Variants in PDE3A observed in about 807,000 individuals in gnomAD.
PDE3A encodes the protein cGMP-inhibited 3',5'-cyclic phosphodiesterase 3A.
PDE3A carries 43 observed loss-of-function variants against 98.3 expected under a neutral mutation model. The ratio of observed to expected loss-of-function variants is 0.44; its 90% CI spans 0.34 to 0.56. The LOEUF (loss-of-function observed/expected upper bound fraction) is 0.56. Ranked by LOEUF, PDE3A falls within the 20% of genes least tolerant of loss-of-function variation. PDE3A has a pLI of 0.01. For missense variants in PDE3A, 1,427 were observed against 1,440.7 expected (o/e 0.99, Z 0.15); for synonymous variants, 663 against 567.9 (o/e 1.17, Z -2.38).
At chr12:20,556,552 A>G in intron 1 of PDE3A, 108 bp from the exon 2 acceptor site, 1 of 731,622 alleles carries the variant, frequency 1.4e-6, no homozygotes, top group East Asian at 2.7e-5. Flanking sequence ...GCTATTTAAT[A>G]TATTACTAAT....
At chr12:20,547,814 T>A (rs973666902) in intron 1 of PDE3A, among the ~76,000 whole-genome samples, 1 of 152,074 alleles carries the variant, frequency 6.6e-6, no homozygotes, top group Non-Finnish European at 1.5e-5. Context: ...GAAAAACATA[T>A]AAACATGAAA....
intron 5 of PDE3A, 145 bp from the exon 6 acceptor site, chr12:20,629,763 G>A (rs1025962043): frequency 3.1e-6 from 2 of 637,562 alleles, no homozygotes; most frequent in Non-Finnish European, 5.7e-6. Flanking sequence ...GGCTTCAGAT[G>A]TTGGTATGTG....
chr12:20,383,761 G>C (rs983205270), intron 1 of PDE3A, among the ~76,000 whole-genome samples: 7 of 151,962 alleles, frequency 4.6e-5, no homozygotes, highest in African/African-American at 1.7e-4. Flanking sequence ...ATGGAAAAAG[G>C]TGAGGAGGAG....
chr12:20,629,330 C>G (rs1285446872), intron 5 of PDE3A, among the ~76,000 whole-genome samples: 1 of 152,116 alleles, frequency 6.6e-6, no homozygotes, highest in Non-Finnish European at 1.5e-5. Flanking sequence ...ATGTTTTCTT[C>G]AAAAATTATT....
intron 1 of PDE3A, among the ~76,000 whole-genome samples, chr12:20,382,910 A>G (rs531857255): frequency 5.6e-4 from 85 of 152,130 alleles, no homozygotes; most frequent in Non-Finnish European, 9.3e-4. Flanking sequence ...GCATTTGATT[A>G]CAAAAACTCA....
chr12:20,429,716 C>T (rs1241968154), intron 1 of PDE3A, among the ~76,000 whole-genome samples: 1 of 152,164 alleles, frequency 6.6e-6, no homozygotes, highest in Non-Finnish European at 1.5e-5. Context: ...AGTTGAAATA[C>T]ATAGATTTGG....
chr12:20,506,374 A>G (rs771267423), intron 1 of PDE3A, among the ~76,000 whole-genome samples: 1 of 152,034 alleles, frequency 6.6e-6, no homozygotes, highest in African/African-American at 2.4e-5. Context: ...AACAGTCTGT[A>G]TAATTTTGAA....
intron 1 of PDE3A, chr12:20,449,798 GT>G: frequency 1.9e-6 from 1 of 530,044 alleles, no homozygotes; most frequent in Non-Finnish European, 3.4e-6. Context: ...TACTTGGTCA[GT>G]TTTGGTTGCT....
chr12:20,528,757 T>C (rs1417700453), intron 1 of PDE3A, among the ~76,000 whole-genome samples: 6 of 152,114 alleles, frequency 3.9e-5, no homozygotes. Flanking sequence ...ACGCTAGGGG[T>C]ATAACATCTA....
intron 2 of PDE3A, among the ~76,000 whole-genome samples, chr12:20,578,985 C>A (rs1476919460): frequency 6.6e-6 from 1 of 151,972 alleles, no homozygotes; most frequent in East Asian, 1.9e-4. Context: ...AATAACTACA[C>A]CATCAGTTTT....
chr12:20,626,962 A>G (rs1944275955), intron 5 of PDE3A, among the ~76,000 whole-genome samples: 1 of 152,098 alleles, frequency 6.6e-6, no homozygotes, highest in Non-Finnish European at 1.5e-5. Context: ...AAGAACTCTA[A>G]TGGTTGTGTG....
chr12:20,554,125 A>T (rs1312463104), intron 1 of PDE3A, among the ~76,000 whole-genome samples: 1 of 148,926 alleles, frequency 6.7e-6, no homozygotes, highest in Non-Finnish European at 1.5e-5. Flanking sequence ...GGGTTTGTTA[A>T]TTTTTCTAAT....
At chr12:20,592,103 C>T (rs972706803) in intron 2 of PDE3A, among the ~76,000 whole-genome samples, 2 of 151,990 alleles carry the variant, frequency 1.3e-5, no homozygotes, top group African/African-American at 2.4e-5. Flanking sequence ...AGCAGAAAGA[C>T]AATAATTCAT....
Position 20,552,667 on chromosome 12 carries a change from C to T in PDE3A, c.961-3993C>T, listed in dbSNP as rs1052804793. The T allele has an allele frequency of 1.2e-4, 197 of 1,613,860 alleles. No individual in the cohort carries two copies. The highest frequency in any genetic ancestry group is 1.6e-4 in the Non-Finnish European group (184 of 1,179,862). ...GGAGCCCTACAGTCTCACGGCCCAGCAGAGCAGCCTCATCAGAGAGGACAA... is the reference window on the plus strand; with the variant it reads ...GGAGCCCTACAGTCTCACGGCCCAGTAGAGCAGCCTCATCAGAGAGGACAA... On this transcript the variant is annotated intron_variant, in intron 1 of 15. Coordinates refer to ENST00000359062, the MANE Select transcript of PDE3A (RefSeq NM_000921.5). This position sits in a 1 kb window ranked among gnomAD's most constrained non-coding sequence, Gnocchi z 5.1.
At chr12:20,556,769 T>C in intron 2 of PDE3A, 59 bp downstream of exon 2, 2 of 1,227,606 alleles carry the variant, frequency 1.6e-6, no homozygotes, top group East Asian at 2.3e-5. Context: ...CAGCCACGGG[T>C]TTTCTAAAAC....
chr12:20,389,712 A>G (rs1457017278), intron 1 of PDE3A, among the ~76,000 whole-genome samples: 3 of 151,944 alleles, frequency 2.0e-5, no homozygotes, highest in Non-Finnish European at 4.4e-5. Context: ...CCAAGGGATA[A>G]ATACTTTGAA....
chr12:20,424,111 A>C (rs1023574453), intron 1 of PDE3A, among the ~76,000 whole-genome samples: 3 of 152,178 alleles, frequency 2.0e-5, no homozygotes, highest in Non-Finnish European at 4.4e-5. Flanking sequence ...AGTATTAAAA[A>C]AATACATATT....
intron 1 of PDE3A, among the ~76,000 whole-genome samples, chr12:20,414,191 G>A (rs1029737345): frequency 3.3e-5 from 5 of 152,272 alleles, no homozygotes; most frequent in Non-Finnish European, 5.9e-5. Flanking sequence ...ATAGGATACC[G>A]ATTTTGGAAT....
intron 1 of PDE3A, among the ~76,000 whole-genome samples, chr12:20,446,254 T>C (rs1196303305): frequency 2.6e-5 from 4 of 152,208 alleles, no homozygotes; most frequent in Non-Finnish European, 5.9e-5. Context: ...ATGTCATCTG[T>C]CTCATTCTGC....
Sources: gnomAD v4.1 joint callset for allele counts (sites outside exome capture counted in the v4.1 genomes callset) on GRCh38, gnomAD v4.1.1 for gene constraint, Gnocchi (gnomAD v3.1) non-coding constraint, MANE v1.5 for transcripts, NCBI Gene and HGNC (gene_info 2026-07-23, HGNC 2026-07-21) for gene names.